USP53: variants seen among roughly 807,000 people sequenced by gnomAD.
USP53 encodes the protein ubiquitin specific peptidase 53.
A neutral mutation model predicts 94.9 loss-of-function variants in USP53; 71 were observed. The ratio of observed to expected loss-of-function variants is 0.75; its 90% CI spans 0.62 to 0.91. USP53 has a LOEUF of 0.91. USP53 is among the 40% of genes least tolerant of loss of function. The pLI is 0.00. For synonymous variants in USP53, 375 were observed against 422.7 expected (o/e 0.89, Z 1.39); for missense variants, 1,173 against 1,281.0 (o/e 0.92, Z 1.29).
rs534289416 is a variant in USP53 at position 119,223,861 on chromosome 4, A to AGTTAG, written c.-665+6189_-665+6193dup. 2.0e-3 allele frequency among the ~76,000 whole-genome samples: 312 copies of AGTTAG among 152,340 alleles called. 1 individual carries two copies. The highest frequency in any genetic ancestry group is 7.1e-3 in the African/African-American group (296 of 41,574). ...CTTACACTGTCAAAAGAAGGAAAAAAGTTAGTTTAGTTTAGTGGTTTTCAT... is the reference window on the plus strand; with the variant it reads ...CTTACACTGTCAAAAGAAGGAAAAAAGTTAGGTTAGTTTAGTTTAGTGGTTTTCAT... On this transcript the variant is annotated intron_variant, in intron 3 of 18. Coordinates refer to ENST00000692078, the MANE Select transcript of USP53 (RefSeq NM_001371395.1).
chr4:119,280,386 G>A (rs1753380287), intron 17 of USP53, among the ~76,000 whole-genome samples: 1 of 152,118 alleles, frequency 6.6e-6, no homozygotes, highest in Non-Finnish European at 1.5e-5. Context: ...TTACTTAACA[G>A]AAGGTATATT....
chr4:119,267,941 G>C (rs1249212888), intron 13 of USP53, among the ~76,000 whole-genome samples: 2 of 151,932 alleles, frequency 1.3e-5, no homozygotes, highest in Non-Finnish European at 1.5e-5. Flanking sequence ...GCCGAGGCGG[G>C]TGGATCATGA....
intron 3 of USP53, among the ~76,000 whole-genome samples, chr4:119,224,268 G>A (rs1744956375): frequency 6.6e-6 from 1 of 152,186 alleles, no homozygotes; most frequent in South Asian, 2.1e-4. Context: ...AAAGTGTTGG[G>A]ATTACAGGCG....
At chr4:119,238,493 A>T (rs1747087196) in intron 4 of USP53, among the ~76,000 whole-genome samples, 1 of 152,190 alleles carries the variant, frequency 6.6e-6, no homozygotes, top group African/African-American at 2.4e-5. Flanking sequence ...ATCAAAGATA[A>T]CTTATCACAG....
chr4:119,286,427 AAAATTC>A (rs1466211596), intron 17 of USP53, among the ~76,000 whole-genome samples: 1 of 151,932 alleles, frequency 6.6e-6, no homozygotes, highest in Non-Finnish European at 1.5e-5. Context: ...ACCTGGAGCC[AAAATTC>A]CTCACAAAGA....
rs1312316669 is a variant in USP53 at position 119,268,429 on chromosome 4, T to C, written c.1288+9T>C. 3.1e-6 allele frequency: 5 copies of C among 1,596,868 alleles called. No homozygotes were observed. Among genetic ancestry groups the C allele is most frequent in the Non-Finnish European group, 4.3e-6 (5 of 1,172,230 alleles). On this transcript the variant is annotated intron_variant, in intron 14 of 18. Transcript: ENST00000692078. Reference sequence around the variant, plus strand: ...TGTAGGGAAAGGACCAGGTATGTGTTTAAATTGTCATTTTTACATAGTTCC... The same window carrying C: ...TGTAGGGAAAGGACCAGGTATGTGTCTAAATTGTCATTTTTACATAGTTCC...
chr4:119,266,159 CATA>C (rs1254199812), intron 12 of USP53: 4 of 414,552 alleles, frequency 9.6e-6, no homozygotes, highest in Non-Finnish European at 1.9e-5. Flanking sequence ...CTTCCTTTAG[CATA>C]ATGTCTTTAA....
intron 17 of USP53, among the ~76,000 whole-genome samples, chr4:119,282,092 A>C (rs1753572919): frequency 6.6e-6 from 1 of 152,086 alleles, no homozygotes; most frequent in East Asian, 1.9e-4. Flanking sequence ...TGTGTGAGTT[A>C]TTTCACTTAG....
intron 12 of USP53, among the ~76,000 whole-genome samples, chr4:119,264,313 G>C (rs890228115): frequency 4.6e-5 from 7 of 151,922 alleles, no homozygotes; most frequent in African/African-American, 1.7e-4. Context: ...TTATATATAG[G>C]GATTTCTTAG....
chr4:119,269,567 T>C, intron 14 of USP53, 124 bp from the exon 15 acceptor site: 2 of 584,848 alleles, frequency 3.4e-6, no homozygotes, highest in Non-Finnish European at 5.0e-6. Context: ...CATTGTATAC[T>C]ATATATCTAC....
chr4:119,280,456 TG>T (rs1441030835), intron 17 of USP53, among the ~76,000 whole-genome samples: 1 of 152,190 alleles, frequency 6.6e-6, no homozygotes, highest in Non-Finnish European at 1.5e-5. Context: ...TGTAGACTGT[TG>T]GTCTTTCTGA....
Position 119,234,544 on chromosome 4 carries a change from C to A in USP53, c.-664-746C>A, listed in dbSNP as rs182765109. Among the ~76,000 whole-genome samples, 1,472 of 152,220 alleles carry A rather than the reference C, an allele frequency of 9.7e-3. 15 individuals are homozygous for A. The highest frequency in any genetic ancestry group is 0.027 in the South Asian group (130 of 4,822). ...CGCTAAAGTGTATATAAAAATAGTT[C>A]ATGGGGCAGACTTGGTGTCTAATAA... On this transcript the variant is annotated intron_variant, in intron 3 of 18. Transcript: ENST00000692078.
In USP53 at chr4:119,239,610, C is replaced by T. The variant is rs1364822237; in HGVS notation, c.-150C>T. 1.1e-6 allele frequency: 1 copy of T among 907,266 alleles called. No individual in the cohort carries two copies. Among genetic ancestry groups the T allele is most frequent in the Non-Finnish European group, 1.6e-6 (1 of 630,050 alleles). 56.2% of individuals were successfully genotyped at this position (907,266 alleles called of 1,614,324 possible). ...TGTCAGAGTCTTTAAGAGTTTATAA[C>T]ATCAGGAAAGATATGGACTTGGAAA... On this transcript the variant is annotated 5_prime_UTR_variant, in exon 5 of 19. Transcript: ENST00000692078.
rs1754735760 is a variant in USP53 at position 119,291,286 on chromosome 4, T to C, written c.2348+25T>C. The C allele has an allele frequency of 2.7e-6, 4 of 1,482,712 alleles. No homozygotes were observed. The African/African-American group carries it at 5.7e-5, about 21-fold the overall frequency. The allele number at this position is 1,482,712 out of a possible 1,614,324, so 91.8% of individuals were successfully genotyped here. On this transcript the variant is annotated intron_variant, in intron 18 of 18. Coordinates refer to ENST00000692078, the MANE Select transcript of USP53 (RefSeq NM_001371395.1). ...GGTAACCATATTTTTTTTCCCTAAA[T>C]ACATGTATTATAGGCACGTTGTTTA... is the stretch of plus-strand genomic sequence containing the variant.
chr4:119,269,814 G>A lies in USP53; in HGVS notation c.1412G>A (p.Arg471Lys). 2 of 1,498,368 alleles carry A rather than the reference G, an allele frequency of 1.3e-6. No homozygotes were observed. The highest frequency in any genetic ancestry group is 2.2e-5 in the Admixed American group (1 of 44,916). 92.8% of individuals were successfully genotyped at this position (1,498,368 alleles called of 1,614,324 possible). ...AGGAAAGATTTAGAGAAGGGACAAA[G>A]AAAAGATTTAGGACGACATAGAGGT... Reference protein sequence around the residue: ...SQRKDLEKGQRKDLGRHRDLV... With the variant: ...SQRKDLEKGQKKDLGRHRDLV... Residue 471 changes from arginine (R) to lysine (K), a missense_variant, in exon 15 of 19, where the codon AGA becomes AAA. Coordinates refer to ENST00000692078, the MANE Select transcript of USP53 (RefSeq NM_001371395.1).
At chr4:119,279,906 C>T (rs189674598) in intron 17 of USP53, among the ~76,000 whole-genome samples, 167 of 152,358 alleles carry the variant, frequency 1.1e-3, no homozygotes, top group African/African-American at 3.9e-3. Flanking sequence ...GGAAAGGGGA[C>T]TCCCTGACCC....
intron 3 of USP53, among the ~76,000 whole-genome samples, chr4:119,232,948 C>T (rs1746258349): frequency 6.6e-6 from 1 of 152,014 alleles, no homozygotes; most frequent in South Asian, 2.1e-4. Flanking sequence ...ATCCAGATGC[C>T]ATTTAAAATG....
intron 3 of USP53, among the ~76,000 whole-genome samples, chr4:119,230,066 C>G (rs1391551779): frequency 6.6e-6 from 1 of 152,198 alleles, no homozygotes. Flanking sequence ...GCCTATTCTG[C>G]TTCCACATGG....
At chr4:119,252,468 G>A (rs144104944) in intron 7 of USP53, among the ~76,000 whole-genome samples, 324 of 152,262 alleles carry the variant, frequency 2.1e-3, no homozygotes, top group African/African-American at 7.1e-3. Context: ...TTGGGAGGGT[G>A]TATGTGTCCA....
Sources: gnomAD v4.1 joint callset for allele counts (sites outside exome capture counted in the v4.1 genomes callset) on GRCh38, gnomAD v4.1.1 for gene constraint, MANE v1.5 for transcripts, NCBI Gene and HGNC (gene_info 2026-07-23, HGNC 2026-07-21) for gene names.